Variants in ADAMTS3 observed in about 807,000 individuals in gnomAD.
The protein encoded by ADAMTS3 is ADAM metallopeptidase with thrombospondin type 1 motif 3.
A neutral mutation model predicts 129.0 loss-of-function variants in ADAMTS3; 73 were observed. The ratio of observed to expected loss-of-function variants is 0.57; its 90% confidence interval spans 0.47 to 0.69. The LOEUF (loss-of-function observed/expected upper bound fraction) is 0.69, where lower values mean the gene tolerates loss of function less well. Among genes scored for constraint, ADAMTS3 ranks in the 30% least tolerant of loss-of-function variants. The pLI is 0.00. For synonymous variants in ADAMTS3, 477 were observed against 510.8 expected, an observed-to-expected ratio of 0.93 and a Z score of 0.89; for missense variants, 1,457 against 1,514.5, an observed-to-expected ratio of 0.96 and a Z score of 0.63.
chr4:72,470,021 G>T (rs758531075), intron 3 of ADAMTS3, among the ~76,000 whole-genome samples: 2 of 152,076 alleles, frequency 1.3e-5, no homozygotes, highest in Non-Finnish European at 2.9e-5. Context: ...GGGGTTGGTT[G>T]CCCAACCTCC....
intron 3 of ADAMTS3, among the ~76,000 whole-genome samples, chr4:72,483,216 A>G (rs768183365): frequency 6.6e-6 from 1 of 152,210 alleles, no homozygotes; most frequent in Non-Finnish European, 1.5e-5. Context: ...TCTCTTTCCC[A>G]GAAAATATGA....
rs374706331 is a variant in ADAMTS3, at chr4:72,466,283, G to C, written c.505-51312C>G. On this transcript the variant is annotated intron_variant, in intron 3 of 21. Coordinates refer to ENST00000286657, the MANE Select transcript of ADAMTS3 (RefSeq NM_014243.3). Reference sequence around the variant, plus strand: ...CAGGAGGATGTAGAAGAAGAGGCTAGAGGGATAGCCTGTGTGAGAGCCATG... The same window carrying C: ...CAGGAGGATGTAGAAGAAGAGGCTACAGGGATAGCCTGTGTGAGAGCCATG... Among the ~76,000 whole-genome samples the C allele has an allele frequency of 7.2e-5, 11 of 152,158 alleles. No homozygotes were observed. In the East Asian group the frequency reaches 1.8e-3, roughly 24 times the overall value.
intron 3 of ADAMTS3, among the ~76,000 whole-genome samples, chr4:72,546,463 T>G (rs1351141218): frequency 6.6e-6 from 1 of 151,080 alleles, no homozygotes; most frequent in African/African-American, 2.4e-5. Context: ...AAAAAAAAAG[T>G]TGAAAACCTC....
chr4:72,454,747 C>T (rs1718497752), intron 3 of ADAMTS3, among the ~76,000 whole-genome samples: 1 of 151,586 alleles, frequency 6.6e-6, no homozygotes, highest in Non-Finnish European at 1.5e-5. Flanking sequence ...ACACAGTGCC[C>T]AGCCTGGAAG....
At chr4:72,309,902 A>G (rs1219850048) in intron 14 of ADAMTS3, among the ~76,000 whole-genome samples, 1 of 152,088 alleles carries the variant, frequency 6.6e-6, no homozygotes, top group African/African-American at 2.4e-5. Context: ...TGAGTTGTAT[A>G]TTAGTGCAAT....
At chr4:72,311,958 A>G (rs1325384446) in intron 13 of ADAMTS3, among the ~76,000 whole-genome samples, 2 of 152,148 alleles carry the variant, frequency 1.3e-5, no homozygotes, top group Non-Finnish European at 2.9e-5. Flanking sequence ...TAGTTCAGAA[A>G]GGAAAGATCA....
At chr4:72,522,416 C>T (rs1261201036) in intron 3 of ADAMTS3, among the ~76,000 whole-genome samples, 9 of 152,136 alleles carry the variant, frequency 5.9e-5, no homozygotes, top group Admixed American at 5.9e-4. Context: ...AAATAGCACC[C>T]ACTACATCAT....
At chr4:72,344,378 T>C (rs1158934054) in intron 4 of ADAMTS3, among the ~76,000 whole-genome samples, 1 of 152,010 alleles carries the variant, frequency 6.6e-6, no homozygotes, top group Non-Finnish European at 1.5e-5. Context: ...GAAGGTAAAA[T>C]TGGAAAGGTA....
chr4:72,514,828 T>A (rs148800783), intron 3 of ADAMTS3, among the ~76,000 whole-genome samples: 46 of 152,236 alleles, frequency 3.0e-4, no homozygotes, highest in African/African-American at 1.0e-3. Context: ...TACAATCTTT[T>A]TTCCTTTTTT....
At chr4:72,457,530 T>C (rs1020005599) in intron 3 of ADAMTS3, among the ~76,000 whole-genome samples, 2 of 151,680 alleles carry the variant, frequency 1.3e-5, no homozygotes, top group Admixed American at 6.6e-5. Context: ...TTCCTAGATA[T>C]GTCATTAAAA....
intron 3 of ADAMTS3, among the ~76,000 whole-genome samples, chr4:72,444,525 T>C (rs1718202272): frequency 6.6e-6 from 1 of 151,840 alleles, no homozygotes; most frequent in South Asian, 2.1e-4. Context: ...TATGTGTATG[T>C]ACATTTTTGT....
chr4:72,399,208 T>C (rs1025797753), intron 4 of ADAMTS3, among the ~76,000 whole-genome samples: 34 of 152,112 alleles, frequency 2.2e-4, no homozygotes, highest in Non-Finnish European at 1.3e-4. Flanking sequence ...GGTGGGAGGA[T>C]TGCTTGAGAC....
intron 2 of ADAMTS3, among the ~76,000 whole-genome samples, chr4:72,557,799 C>T (rs951375234): frequency 6.6e-6 from 1 of 151,672 alleles, no homozygotes; most frequent in Non-Finnish European, 1.5e-5. Context: ...AATATCCAAG[C>T]ATTTTATTTG....
At chr4:72,477,877 C>T (rs190365219) in intron 3 of ADAMTS3, among the ~76,000 whole-genome samples, 8 of 151,900 alleles carry the variant, frequency 5.3e-5, no homozygotes, top group Admixed American at 1.3e-4. Context: ...CCGATCCCAC[C>T]GAAATACAAA....
intron 3 of ADAMTS3, among the ~76,000 whole-genome samples, chr4:72,506,903 G>T (rs181239114): frequency 1.8e-3 from 274 of 152,294 alleles, no homozygotes; most frequent in African/African-American, 4.8e-3. Flanking sequence ...AAAGTTCACA[G>T]AGTTGGTCTT....
chr4:72,419,877 A>C (rs2109932306), intron 3 of ADAMTS3, among the ~76,000 whole-genome samples: 1 of 152,290 alleles, frequency 6.6e-6, no homozygotes, highest in Admixed American at 6.5e-5. Flanking sequence ...ACAGAGACCC[A>C]AAAAATAAAT....
intron 3 of ADAMTS3, among the ~76,000 whole-genome samples, chr4:72,437,395 T>C (rs868268612): frequency 2.0e-5 from 3 of 151,894 alleles, no homozygotes; most frequent in Middle Eastern, 3.4e-3. Context: ...TCAAAGTAAC[T>C]GAATGCCTAT....
intron 2 of ADAMTS3, among the ~76,000 whole-genome samples, chr4:72,551,745 A>T (rs1721650712): frequency 6.6e-6 from 1 of 152,188 alleles, no homozygotes; most frequent in African/African-American, 2.4e-5. Flanking sequence ...GACCTAGAAG[A>T]CTTGACACAT....
At chr4:72,446,541 A>T (rs977594254) in intron 3 of ADAMTS3, among the ~76,000 whole-genome samples, 11 of 151,678 alleles carry the variant, frequency 7.3e-5, no homozygotes, top group African/African-American at 2.7e-4. Context: ...TATGATCCAG[A>T]CACTATTTCA....
Sources: gnomAD v4.1 joint callset for allele counts (sites outside exome capture counted in the v4.1 genomes callset) on GRCh38, gnomAD v4.1.1 for gene constraint, MANE v1.5 for transcripts, NCBI Gene and HGNC (gene_info 2026-07-23, HGNC 2026-07-21) for gene names.